Variants in SLC24A5 observed in about 807,000 individuals in gnomAD.
SLC24A5 encodes solute carrier family 24 member 5, also known as sodium/potassium/calcium exchanger 5.
A neutral mutation model predicts 51.6 loss-of-function variants in SLC24A5; 46 were observed. The observed-to-expected ratio is 0.89, with a 90% CI of 0.70 to 1.14. The LOEUF is 1.14. SLC24A5 is among the 50% of genes most tolerant of loss of function. SLC24A5 has a pLI of 0.00. For missense variants in SLC24A5, 581 were observed against 604.1 expected (o/e 0.96, Z 0.40); for synonymous variants, 230 against 214.9 (o/e 1.07, Z -0.62).
intron 1 of SLC24A5, 80 bp from the exon 2 acceptor site, chr15:48,121,777 G>A: frequency 1.4e-6 from 2 of 1,430,700 alleles, no homozygotes; most frequent in Non-Finnish European, 1.9e-6. Flanking sequence ...CACACTTACA[G>A]ATTTCTTAAG....
intron 2 of SLC24A5, chr15:48,124,526 ATGACT>A (rs553455377): frequency 1.1e-4 from 17 of 152,296 alleles, no homozygotes; most frequent in Non-Finnish European, 1.2e-4. Flanking sequence ...TCCATTTCTA[ATGACT>A]TAACTGAACA....
At chr15:48,131,013 T>G (rs1172734076) in intron 2 of SLC24A5, among the ~76,000 whole-genome samples, 1 of 152,172 alleles carries the variant, frequency 6.6e-6, no homozygotes, top group Admixed American at 6.6e-5. Context: ...CTCCTGGGCC[T>G]GTTTATCTGT....
At chr15:48,125,011 G>A (rs928766277) in intron 2 of SLC24A5, among the ~76,000 whole-genome samples, 1 of 152,122 alleles carries the variant, frequency 6.6e-6, no homozygotes, top group African/African-American at 2.4e-5. Flanking sequence ...TATGACATCA[G>A]CAATAAAAAA....
chr15:48,134,952 T>C lies in SLC24A5; in HGVS notation c.558T>C (p.Val186=). ...CGTACACAATTAGTGCAGCAGCAGT[T>C]CTTGGTATAATATATGACAACCAAG... is the stretch of plus-strand genomic sequence containing the variant. ...CAAYTISAAA[V]LGIIYDNQVY... Residue 186 remains valine, a synonymous_variant, in exon 5 of 9, where the codon GTT becomes GTC. Transcript: ENST00000341459. The C allele has an allele frequency of 1.2e-6, 2 of 1,612,262 alleles. No individual in the cohort carries two copies. Among genetic ancestry groups the C allele is most frequent in the Non-Finnish European group, 1.7e-6 (2 of 1,178,692 alleles).
intron 7 of SLC24A5, chr15:48,139,554 A>G (rs2038995594): frequency 6.3e-6 from 1 of 157,632 alleles, no homozygotes; most frequent in Non-Finnish European, 1.4e-5. Context: ...ACAAAAACAA[A>G]GCAAGGAGCT....
At chr15:48,137,281 G>C (rs1319584976) in intron 6 of SLC24A5, 1 of 253,254 alleles carries the variant, frequency 3.9e-6, no homozygotes, top group Non-Finnish European at 7.5e-6. Context: ...ATTGGGCCTT[G>C]CTGGACAGGA....
At chr15:48,136,362 A>T (rs2038899297) in intron 5 of SLC24A5, 1 of 203,838 alleles carries the variant, frequency 4.9e-6, no homozygotes, top group Admixed American at 5.9e-5. Context: ...TTAATTTTAC[A>T]TTTATTTTGA....
intron 2 of SLC24A5, among the ~76,000 whole-genome samples, chr15:48,127,507 AC>A (rs1461098537): frequency 5.3e-5 from 8 of 152,332 alleles, no homozygotes; most frequent in African/African-American, 1.9e-4. Context: ...TTTAAAGTAT[AC>A]CTTAAATATC....
At chr15:48,141,301 G>T in intron 8 of SLC24A5, 87 bp downstream of exon 8, 5 of 1,109,544 alleles carry the variant, frequency 4.5e-6, no homozygotes, top group East Asian at 2.6e-5. Flanking sequence ...ACTTCCAGCC[G>T]GGTGTGGTGG....
rs956081681 is a variant in SLC24A5, at chr15:48,141,190, G to T, written c.1156G>T (p.Ala386Ser). 1 of 1,613,640 alleles carries T rather than the reference G, an allele frequency of 6.2e-7. No homozygotes were observed. Among genetic ancestry groups the T allele is most frequent in the African/African-American group, 1.3e-5 (1 of 74,906 alleles). Residue 386 changes from alanine to serine, a missense_variant, in exon 8 of 9, where the codon GCA becomes TCA. Transcript: ENST00000341459. ...AGGAACAAGCATACCAGACACAATT[G>T]CAAGTGTGTTGGTTGCAAGAAAAGG... ...AAGTSIPDTI[A>S]SVLVARKGKG...
At chr15:48,139,378 C>A in intron 7 of SLC24A5, 1 of 438,640 alleles carries the variant, frequency 2.3e-6, no homozygotes, top group Non-Finnish European at 4.1e-6. Flanking sequence ...ACTGTATTTT[C>A]CACTGTTATT....
In SLC24A5 at chr15:48,121,103, G is replaced by T; in HGVS notation, c.59G>T (p.Trp20Leu). The T allele has an allele frequency of 6.2e-7, 1 of 1,613,912 alleles. No homozygotes were observed. ...AGGGCTCTGTTGCTCGGCATCCTGT[G>T]GGCCACTGCACATCTGCCTCTCTCA... is the stretch of plus-strand genomic sequence containing the variant. Reference protein sequence around the residue: ...ARRALLLGILWATAHLPLSGT... With the variant: ...ARRALLLGILLATAHLPLSGT... The change falls in exon 1 of 9, where the codon TGG becomes TTG. Residue 20 changes from tryptophan (W) to leucine (L), a missense_variant. Coordinates refer to ENST00000341459, the MANE Select transcript of SLC24A5 (RefSeq NM_205850.3).
intron 1 of SLC24A5, 61 bp downstream of exon 1, chr15:48,121,226 A>T: frequency 6.6e-7 from 1 of 1,520,768 alleles, no homozygotes; most frequent in South Asian, 1.3e-5. Flanking sequence ...GCTACCACAT[A>T]CAGATGAAGG....
chr15:48,135,764 G>A (rs957272375), intron 5 of SLC24A5: 1 of 151,924 alleles, frequency 6.6e-6, no homozygotes, highest in Non-Finnish European at 1.5e-5. Flanking sequence ...TTGCAGCACG[G>A]CGTAATACCT....
intron 2 of SLC24A5, chr15:48,124,071 T>G (rs1421491257): frequency 6.6e-6 from 1 of 152,120 alleles, no homozygotes; most frequent in Non-Finnish European, 1.5e-5. Flanking sequence ...ATATGCTTTT[T>G]CATGGTTTGT....
At chr15:48,123,338 G>C (rs1184115968) in intron 2 of SLC24A5, 1 of 151,230 alleles carries the variant, frequency 6.6e-6, no homozygotes, top group East Asian at 2.0e-4. Flanking sequence ...AAATAGAAGA[G>C]AAAGATAAAA....
In SLC24A5 at chr15:48,142,558, G is replaced by T; in HGVS notation, c.*207G>T. On this transcript the variant is annotated 3_prime_UTR_variant, in exon 9 of 9. Transcript: ENST00000341459. ...ACATATTATAAAACAGAAGTTTGGG[G>T]GGAAAAAATCTATGTTTTACCATAC... is the stretch of plus-strand genomic sequence containing the variant. 2.1e-6 allele frequency: 1 copy of T among 476,868 alleles called. No individual in the cohort carries two copies. The highest frequency in any genetic ancestry group is 3.6e-6 in the Non-Finnish European group (1 of 279,766). 29.5% of individuals were successfully genotyped at this position (476,868 alleles called of 1,614,324 possible).
At chr15:48,141,812 T>C (rs573940708) in intron 8 of SLC24A5, 11 of 330,152 alleles carry the variant, frequency 3.3e-5, no homozygotes, top group African/African-American at 2.3e-4. Flanking sequence ...TATTGAAAAA[T>C]GGTTTAATAA....
Position 48,142,065 on chromosome 15 carries a change from C to T in SLC24A5, c.1217C>T (p.Ser406Phe), listed in dbSNP as rs1310484845. The T allele has an allele frequency of 6.2e-7, 1 of 1,613,376 alleles. No homozygotes were observed. Among genetic ancestry groups the T allele is most frequent in the African/African-American group, 1.3e-5 (1 of 74,906 alleles). Residue 406 changes from serine (S) to phenylalanine (F), a missense_variant, in exon 9 of 9, where the codon TCC becomes TTC. Physicochemically the swap from Ser to Phe is radical, Grantham distance 155. Transcript: ENST00000341459. ...ATGGCTATGTCTAACATCGTGGGAT[C>T]CAATGTGTTTGATATGTTGTGCCTT... ...GDMAMSNIVG[S>F]NVFDMLCLGI...
Sources: allele counts gnomAD v4.1 joint callset (sites outside exome capture counted in the v4.1 genomes callset), GRCh38; gene constraint gnomAD v4.1.1; transcripts MANE v1.5; gene names NCBI Gene and HGNC (gene_info 2026-07-23, HGNC 2026-07-21).